ABCC8: variants seen among roughly 807,000 people sequenced by gnomAD.
ABCC8 encodes the protein ATP-binding cassette sub-family C member 8.
In ABCC8, 137 loss-of-function variants were observed where a neutral mutation model predicts 188.0. That is an observed-to-expected ratio of 0.73 (90% CI 0.63 to 0.84). The LOEUF (loss-of-function observed/expected upper bound fraction) is 0.84. Ranked by LOEUF, ABCC8 falls within the 40% of genes least tolerant of loss-of-function variation. The pLI, the probability that ABCC8 is intolerant of heterozygous loss-of-function variation, is 0.00. For synonymous variants in ABCC8, 797 were observed against 846.5 expected (o/e 0.94, Z 1.01); for missense variants, 1,750 against 2,072.7 (o/e 0.84, Z 3.02).
At position 17,395,355 on chromosome 11, in the gene ABCC8, C is replaced by A. The variant is rs549447919; in HGVS notation, c.4308-80G>T. ...CCCAGGCGGCAAAGAGGGCAGTGAG[C>A]GAGAGCAGACTGAGTTGGAGGTCTG... On this transcript the variant is annotated intron_variant, in intron 35 of 38. Transcript: ENST00000389817. 1.7e-4 allele frequency: 256 copies of A among 1,548,362 alleles called. 1 individual carries two copies. In the South Asian group the frequency reaches 2.8e-3, roughly 17 times the overall value.
At chr11:17,452,222 T>C (rs1325306214) in intron 7 of ABCC8, among the ~76,000 whole-genome samples, 3 of 152,178 alleles carry the variant, frequency 2.0e-5, no homozygotes, top group African/African-American at 7.2e-5. Context: ...CTGGCTTTGA[T>C]CATCTTTCCA....
chr11:17,407,648 C>CACAGGG, intron 23 of ABCC8, 195 bp from the exon 24 acceptor site: 12 of 560,464 alleles, frequency 2.1e-5, no homozygotes, highest in South Asian at 1.6e-4. Flanking sequence ...ATAGCACCCC[C>CACAGGG]ATATCCCTGT....
chr11:17,443,132 G>T, intron 9 of ABCC8, 46 bp downstream of exon 9: 1 of 1,604,210 alleles, frequency 6.2e-7, no homozygotes, highest in South Asian at 1.1e-5. Context: ...GCTGTCGAGG[G>T]AAGGAGGGGA....
chr11:17,454,711 A>T (rs1956929896), intron 6 of ABCC8, among the ~76,000 whole-genome samples: 1 of 152,170 alleles, frequency 6.6e-6, no homozygotes, highest in Non-Finnish European at 1.5e-5. Context: ...CCCATTTCAT[A>T]CATGAAAAAA....
chr11:17,449,493 G>T (rs1165775506), intron 7 of ABCC8, among the ~76,000 whole-genome samples: 1 of 152,182 alleles, frequency 6.6e-6, no homozygotes, highest in Non-Finnish European at 1.5e-5. Context: ...ACCATCCCCA[G>T]AGTGCAGCCA....
intron 8 of ABCC8, 45 bp downstream of exon 8, chr11:17,448,471 G>T: frequency 6.4e-7 from 1 of 1,556,976 alleles, no homozygotes; most frequent in Non-Finnish European, 8.9e-7. Context: ...GATTCTGGTT[G>T]TGTGTCCTGC....
At chr11:17,414,292 C>A (rs921409674) in intron 19 of ABCC8, among the ~76,000 whole-genome samples, 1 of 152,232 alleles carries the variant, frequency 6.6e-6, no homozygotes, top group Admixed American at 6.5e-5. Context: ...CCCTTCCCTC[C>A]ATTCCTGCCC....
In ABCC8 at chr11:17,394,363, T is replaced by C. The variant is rs1953794030; in HGVS notation, c.4448A>G (p.Gln1483Arg). The C allele has an allele frequency of 6.2e-7, 1 of 1,614,068 alleles. No homozygotes were observed. The highest frequency in any genetic ancestry group is 8.5e-7 in the Non-Finnish European group (1 of 1,180,052). The change falls in exon 37 of 39, where the codon CAG becomes CGG. Residue 1483 changes from glutamine to arginine, a missense_variant. Transcript: ENST00000389817. Reference protein sequence around the residue: ...IITEGGENFSQGQRQLFCLAR... With the variant: ...IITEGGENFSRGQRQLFCLAR... ...CAGGCAGAACAGCTGCCTCTGTCCCTGGCTGAAATTCTCCCCGCCTTCTGT... is the reference window on the plus strand; with the variant it reads ...CAGGCAGAACAGCTGCCTCTGTCCCCGGCTGAAATTCTCCCCGCCTTCTGT...
chr11:17,423,545 A>G (rs1462175158), intron 16 of ABCC8, among the ~76,000 whole-genome samples: 1 of 152,074 alleles, frequency 6.6e-6, no homozygotes, highest in East Asian at 1.9e-4. Flanking sequence ...CAAGCTAACA[A>G]ATGCACTTCA....
In ABCC8 at chr11:17,474,926, C is replaced by A. The variant is rs775776658; in HGVS notation, c.250G>T (p.Val84Phe). The A allele has an allele frequency of 6.2e-7, 1 of 1,614,180 alleles. No individual in the cohort carries two copies. The highest frequency in any genetic ancestry group is 1.1e-5 in the South Asian group (1 of 91,078). ...CCCTCTGCAATCTCACACACCAGGA[C>A]GAAGAGCAGCATGAAGGTCAGGATC... Reference protein sequence around the residue: ...RWILTFMLLFVLVCEIAEGIL... With the variant: ...RWILTFMLLFFLVCEIAEGIL... Residue 84 changes from valine to phenylalanine, a missense_variant, in exon 2 of 39, where the codon GTC (valine) becomes TTC (phenylalanine). Coordinates refer to ENST00000389817, the MANE Select transcript of ABCC8 (RefSeq NM_000352.6).
At position 17,394,510 on chromosome 11, in the gene ABCC8, G is replaced by T. The variant is rs184213952; in HGVS notation, c.4412-111C>A. 9.0e-6 allele frequency: 14 copies of T among 1,558,618 alleles called. No individual in the cohort carries two copies. In the African/African-American group the frequency reaches 1.5e-4, roughly 17 times the overall value. Reference sequence around the variant, plus strand: ...GAAAATGTGTGCATGGGGGCAAATAGGTGGGTGTGTGTCCAAGAGCACAGG... The same window carrying T: ...GAAAATGTGTGCATGGGGGCAAATATGTGGGTGTGTGTCCAAGAGCACAGG... On this transcript the variant is annotated intron_variant, in intron 36 of 38. Coordinates refer to ENST00000389817, the MANE Select transcript of ABCC8 (RefSeq NM_000352.6).
At chr11:17,431,164 C>G (rs1411438549) in intron 11 of ABCC8, 2 of 791,602 alleles carry the variant, frequency 2.5e-6, no homozygotes, top group Non-Finnish European at 3.9e-6. Flanking sequence ...AGCTGGAGAG[C>G]AGGGGCTGCT....
chr11:17,458,562 G>A lies in ABCC8; in HGVS notation c.1011+1926C>T, dbSNP rs563771004. 3.3e-5 allele frequency among the ~76,000 whole-genome samples: 5 copies of A among 152,294 alleles called. No individual in the cohort carries two copies. The East Asian group carries it at 5.8e-4, about 18-fold the overall frequency. ...ACTGGCTCCATGCTGCTTCAGGATC[G>A]CCAATGGGGGTATTCTGGGGTAGCC... On this transcript the variant is annotated intron_variant, in intron 6 of 38. Transcript: ENST00000389817.
At chr11:17,465,506 A>G (rs534900160) in intron 3 of ABCC8, 1 of 152,350 alleles carries the variant, frequency 6.6e-6, no homozygotes, top group East Asian at 1.9e-4. Context: ...GGTTTTTTGC[A>G]TAGTCCTGTC....
At chr11:17,400,637 G>C (rs543171355) in intron 29 of ABCC8, among the ~76,000 whole-genome samples, 1 of 152,272 alleles carries the variant, frequency 6.6e-6, no homozygotes, top group African/African-American at 2.4e-5. Context: ...GGGCACTCTT[G>C]AAACTCTTTT....
intron 34 of ABCC8, 35 bp downstream of exon 34, chr11:17,395,817 G>C: frequency 6.4e-7 from 1 of 1,558,534 alleles, no homozygotes; most frequent in Non-Finnish European, 8.7e-7. Flanking sequence ...TCTGGTGGCT[G>C]TGGGTACACG....
rs1956762487 is a variant in ABCC8 at position 17,450,416 on chromosome 11, T to TTTTC, written c.1177-1746_1177-1745insGAAA. 2.0e-5 allele frequency among the ~76,000 whole-genome samples: 3 copies of TTTTC among 146,954 alleles called. 1 individual carries two copies. The highest frequency in any genetic ancestry group is 4.5e-5 in the Non-Finnish European group (3 of 66,844). On this transcript the variant is annotated intron_variant, in intron 7 of 38. Transcript: ENST00000389817. ...CTTCTTTCTTTCCTTTTTTTTTTTTTCAGAGTCTTGCTGTGTCGCCCAGGC... is the reference window on the plus strand; with the variant it reads ...CTTCTTTCTTTCCTTTTTTTTTTTTTTTTCCAGAGTCTTGCTGTGTCGCCCAGGC...
In ABCC8 at chr11:17,461,106, TGGG is replaced by T. The variant is rs1447353348; in HGVS notation, c.823-433_823-431del. 8.7e-6 allele frequency: 3 copies of T among 343,364 alleles called. No homozygotes were observed. The Admixed American group carries it at 1.3e-4, about 15-fold the overall frequency. 21.3% of individuals were successfully genotyped at this position (343,364 alleles called of 1,614,324 possible). On this transcript the variant is annotated intron_variant, in intron 5 of 38. Coordinates refer to ENST00000389817, the MANE Select transcript of ABCC8 (RefSeq NM_000352.6). ...GCCGCCTGCCAGCTGTGGCCAGCTC[TGGG>T]CAGGTCACAGCCTTTCTCAGGGCCT...
At position 17,427,966 on chromosome 11, in the gene ABCC8, C is replaced by A; in HGVS notation, c.2041-24G>T. On this transcript the variant is annotated intron_variant, in intron 14 of 38. Coordinates refer to ENST00000389817, the MANE Select transcript of ABCC8 (RefSeq NM_000352.6). The surrounding 1 kb of genome is among the most constrained non-coding windows in gnomAD (Gnocchi z 5.0). ...ATCTTCATTAGGCGTGTCCCACCGC[C>A]CAGGAGAGAACAGAAAGGCAGCCAG... 1 of 1,610,888 alleles carries A rather than the reference C, an allele frequency of 6.2e-7. No individual in the cohort carries two copies. The highest frequency in any genetic ancestry group is 8.5e-7 in the Non-Finnish European group (1 of 1,178,494).
Sources: allele counts gnomAD v4.1 joint callset (sites outside exome capture counted in the v4.1 genomes callset), GRCh38; gene constraint gnomAD v4.1.1; non-coding constraint Gnocchi (gnomAD v3.1); transcripts MANE v1.5; gene names NCBI Gene and HGNC (gene_info 2026-07-23, HGNC 2026-07-21).